Variants in ROR2 observed in about 807,000 individuals in gnomAD.
The protein encoded by ROR2 is ROR family WNT receptor 2.
A neutral mutation model predicts 74.9 loss-of-function variants in ROR2; 33 were observed. The ratio of observed to expected loss-of-function variants is 0.44; its 90% CI spans 0.33 to 0.59. ROR2 has a LOEUF of 0.59. ROR2 is among the 20% of genes least tolerant of loss of function. The pLI is 0.02. For missense variants in ROR2, 1,216 were observed against 1,313.8 expected (o/e 0.93, Z 1.15); for synonymous variants, 586 against 558.7 (o/e 1.05, Z -0.69).
At chr9:91,948,497 G>T in intron 1 of ROR2, 1 of 880,730 alleles carries the variant, frequency 1.1e-6, no homozygotes, top group Non-Finnish European at 1.4e-6. Context: ...TGAGATAAAC[G>T]CAAGCTCCCT....
At chr9:91,929,023 T>C (rs1009230708) in intron 1 of ROR2, among the ~76,000 whole-genome samples, 1 of 152,240 alleles carries the variant, frequency 6.6e-6, no homozygotes, top group African/African-American at 2.4e-5. Flanking sequence ...GAAGGCTGGG[T>C]TCATGCTGTC....
chr9:91,874,177 C>A (rs952929143), intron 1 of ROR2, among the ~76,000 whole-genome samples: 14 of 152,214 alleles, frequency 9.2e-5, no homozygotes, highest in African/African-American at 3.4e-4. Context: ...AAAGACCCTT[C>A]ATTTTCACTC....
chr9:91,916,805 C>T (rs1419743674), intron 1 of ROR2, among the ~76,000 whole-genome samples: 1 of 152,032 alleles, frequency 6.6e-6, no homozygotes, highest in Non-Finnish European at 1.5e-5. Flanking sequence ...TACTTAACTA[C>T]CATTTTCTCC....
chr9:91,784,130 G>A (rs1389478961), intron 1 of ROR2, among the ~76,000 whole-genome samples: 2 of 152,072 alleles, frequency 1.3e-5, no homozygotes, highest in South Asian at 2.1e-4. Flanking sequence ...CCGGCCTCCC[G>A]TTACACACCT....
chr9:91,841,899 CCAT>C (rs1205604993), intron 1 of ROR2, among the ~76,000 whole-genome samples: 1 of 152,238 alleles, frequency 6.6e-6, no homozygotes, highest in Non-Finnish European at 1.5e-5. Flanking sequence ...CTGGCAGCCA[CCAT>C]GAGAGTCATC....
chr9:91,799,061 C>T (rs1482928834), intron 1 of ROR2, among the ~76,000 whole-genome samples: 2 of 152,272 alleles, frequency 1.3e-5, no homozygotes, highest in African/African-American at 2.4e-5. Context: ...ATGCCCCTCG[C>T]GCCCTGTCAC....
intron 5 of ROR2, 66 bp downstream of exon 5, chr9:91,737,325 A>G (rs986204532): frequency 6.3e-7 from 1 of 1,588,200 alleles, no homozygotes; most frequent in African/African-American, 1.3e-5. Context: ...CACAGTGGCC[A>G]CCATCTGTGC....
At chr9:91,909,125 G>A (rs943291465) in intron 1 of ROR2, among the ~76,000 whole-genome samples, 11 of 152,170 alleles carry the variant, frequency 7.2e-5, no homozygotes, top group African/African-American at 2.4e-4. Context: ...AATGAAAATT[G>A]CTTGCTAATT....
intron 1 of ROR2, among the ~76,000 whole-genome samples, chr9:91,910,588 G>A (rs1045358744): frequency 3.9e-5 from 6 of 151,924 alleles, no homozygotes; most frequent in African/African-American, 1.2e-4. Flanking sequence ...TCTAATAACA[G>A]GTTAATATCC....
At chr9:91,836,213 T>C (rs1029048798) in intron 1 of ROR2, among the ~76,000 whole-genome samples, 3 of 152,190 alleles carry the variant, frequency 2.0e-5, no homozygotes, top group African/African-American at 4.8e-5. Flanking sequence ...TATTGTCGTA[T>C]GGCACTTTGT....
At chr9:91,799,919 A>G (rs1827317104) in intron 1 of ROR2, among the ~76,000 whole-genome samples, 1 of 152,234 alleles carries the variant, frequency 6.6e-6, no homozygotes, top group Non-Finnish European at 1.5e-5. Flanking sequence ...GCCAGGGTCC[A>G]CCAAACAGCA....
intron 7 of ROR2, among the ~76,000 whole-genome samples, chr9:91,726,961 C>G (rs1837062318): frequency 6.6e-6 from 1 of 152,188 alleles, no homozygotes; most frequent in Non-Finnish European, 1.5e-5. Flanking sequence ...AAACCCAAAA[C>G]TGCCCAACCT....
chr9:91,737,499 C>T lies in ROR2; in HGVS notation c.514G>A (p.Gly172Arg), dbSNP rs1825072808. The T allele has an allele frequency of 1.2e-6, 2 of 1,614,088 alleles. No homozygotes were observed. Among genetic ancestry groups the T allele is most frequent in the Middle Eastern group, 1.6e-4 (1 of 6,084 alleles). ...HNFQDDYHED[G>R]FCQPYRGIAC... is the part of the protein sequence containing the mutation. Reference sequence around the variant, plus strand: ...ATTCCCCGGTAAGGCTGGCAGAACCCATCCTCGTGGTAATCATCCCTGGTA... The same window carrying T: ...ATTCCCCGGTAAGGCTGGCAGAACCTATCCTCGTGGTAATCATCCCTGGTA... Residue 172 changes from glycine to arginine, a missense_variant, in exon 5 of 9, where the codon GGG becomes AGG. Coordinates refer to ENST00000375708, the MANE Select transcript of ROR2 (RefSeq NM_004560.4).
rs191107364 is a variant in ROR2 at position 91,724,436 on chromosome 9, G to C, written c.2058C>G (p.Phe686Leu). The change falls in exon 9 of 9, where the codon TTC (phenylalanine) becomes TTG (leucine). Residue 686 changes from phenylalanine to leucine, a missense_variant. Coordinates refer to ENST00000375708, the MANE Select transcript of ROR2 (RefSeq NM_004560.4). ...WSYGVVLWEV[F>L]SYGLQPYCGY... is the part of the protein sequence containing the mutation. ...CGCAGTAGGGCTGCAGGCCGTAGCT[G>C]AAGACCTCCCACAGGACCACACCGT... is the stretch of plus-strand genomic sequence containing the variant. 3.0e-5 allele frequency: 49 copies of C among 1,614,216 alleles called. No individual in the cohort carries two copies. The Admixed American group carries it at 8.2e-4, about 27-fold the overall frequency.
intron 1 of ROR2, among the ~76,000 whole-genome samples, chr9:91,783,913 A>G (rs1326540864): frequency 6.6e-6 from 1 of 152,050 alleles, no homozygotes; most frequent in Non-Finnish European, 1.5e-5. Flanking sequence ...CCTCCTCCCC[A>G]GTCCTCTGAA....
intron 4 of ROR2, among the ~76,000 whole-genome samples, chr9:91,751,922 G>A (rs1019396902): frequency 1.2e-4 from 18 of 152,344 alleles, no homozygotes; most frequent in Admixed American, 4.6e-4. Flanking sequence ...GCCTAAATGC[G>A]TGGTGGAAGC....
chr9:91,883,988 C>T (rs1229334326), intron 1 of ROR2, among the ~76,000 whole-genome samples: 1 of 152,152 alleles, frequency 6.6e-6, no homozygotes, highest in Non-Finnish European at 1.5e-5. Context: ...GAGACAAGTA[C>T]ACAAAAGAAA....
At chr9:91,833,277 G>A (rs983512868) in intron 1 of ROR2, among the ~76,000 whole-genome samples, 7 of 152,070 alleles carry the variant, frequency 4.6e-5, no homozygotes, top group Non-Finnish European at 1.0e-4. Context: ...ACGCATCCAC[G>A]CTGGGCTCCA....
chr9:91,846,035 TCA>T (rs900665634), intron 1 of ROR2, among the ~76,000 whole-genome samples: 10 of 151,628 alleles, frequency 6.6e-5, no homozygotes, highest in African/African-American at 2.2e-4. Context: ...TGACTAACAC[TCA>T]CACAGGGAGC....
Sources: gnomAD v4.1 joint callset for allele counts (sites outside exome capture counted in the v4.1 genomes callset) on GRCh38, gnomAD v4.1.1 for gene constraint, MANE v1.5 for transcripts, NCBI Gene and HGNC (gene_info 2026-07-23, HGNC 2026-07-21) for gene names.